The following CAST variants were observed in gnomAD, a reference collection of about 807,000 sequenced individuals.
The protein encoded by CAST is calpastatin.
Under a neutral mutation model 119.6 loss-of-function variants are expected in CAST, and 76 were observed. That is an observed-to-expected ratio of 0.64 (90% CI 0.53 to 0.77). The LOEUF is 0.77. Ranked by LOEUF, CAST falls within the 30% of genes least tolerant of loss-of-function variation. CAST has a pLI of 0.00. For missense variants in CAST, 953 were observed against 946.5 expected, an observed-to-expected ratio of 1.01 and a Z score of -0.09; for synonymous variants, 319 against 331.6, an observed-to-expected ratio of 0.96 and a Z score of 0.41.
chr5:96,068,593 ATGTGTGTGTGTG>A, the CAST span, among the ~76,000 whole-genome samples: 49 of 142,268 alleles, frequency 3.4e-4, no homozygotes, highest in Middle Eastern at 3.6e-3. Context: ...CAATAGGATT[ATGTGTGTGTGTG>A]TGTGTGTGTG....
intron 3 of CAST, among the ~76,000 whole-genome samples, chr5:96,705,225 G>A (rs553956327): frequency 1.3e-5 from 2 of 152,188 alleles, no homozygotes; most frequent in East Asian, 3.9e-4. Context: ...AGGCTAAGGT[G>A]GAAGGATCAG....
At chr5:96,622,550 A>G (rs1250385683) in intron 1 of CAST, among the ~76,000 whole-genome samples, 2 of 152,104 alleles carry the variant, frequency 1.3e-5, no homozygotes, top group Non-Finnish European at 2.9e-5. Context: ...CAGGATCACT[A>G]TAGCTGAAGA....
chr5:96,746,478 T>G, intron 17 of CAST, 53 bp downstream of exon 17: 2 of 1,010,628 alleles, frequency 2.0e-6, no homozygotes, highest in African/African-American at 1.6e-5. Flanking sequence ...TGCATCTTGT[T>G]TTGTTGTATC....
the CAST span, among the ~76,000 whole-genome samples, chr5:96,154,397 T>A: frequency 6.6e-6 from 1 of 152,194 alleles, no homozygotes; most frequent in African/African-American, 2.4e-5. Context: ...ATTTTAGAAC[T>A]GTTTTACATT....
At chr5:96,364,591 A>G in the CAST span, among the ~76,000 whole-genome samples, 6 of 151,828 alleles carry the variant, frequency 4.0e-5, no homozygotes, top group African/African-American at 1.2e-4. Flanking sequence ...TTTCTTCTAG[A>G]TTTTCTAGTT....
At chr5:96,598,454 C>G (rs1193239864) in intron 1 of CAST, among the ~76,000 whole-genome samples, 1 of 152,092 alleles carries the variant, frequency 6.6e-6, no homozygotes, top group Non-Finnish European at 1.5e-5. Flanking sequence ...TGCCCTGTCT[C>G]TAGGGCTGCA....
the CAST span, among the ~76,000 whole-genome samples, chr5:96,323,691 G>A: frequency 6.6e-6 from 1 of 152,156 alleles, no homozygotes; most frequent in Non-Finnish European, 1.5e-5. Context: ...TTCATTTTTA[G>A]TTTTTAAGGG....
the CAST span, among the ~76,000 whole-genome samples, chr5:96,035,870 A>G: frequency 6.6e-6 from 1 of 151,888 alleles, no homozygotes; most frequent in African/African-American, 2.4e-5. Flanking sequence ...CACTGTGTTT[A>G]GGACCTCTTA....
chr5:96,153,115 T>A, the CAST span, among the ~76,000 whole-genome samples: 1 of 152,236 alleles, frequency 6.6e-6, no homozygotes, highest in South Asian at 2.1e-4. Context: ...AAAATCAGCC[T>A]TCAAATTGAT....
At chr5:96,059,665 T>G in the CAST span, among the ~76,000 whole-genome samples, 4 of 152,130 alleles carry the variant, frequency 2.6e-5, no homozygotes, top group African/African-American at 7.2e-5. Flanking sequence ...TGGCTCATAA[T>G]GTGTCCAATG....
chr5:96,249,569 C>T, the CAST span, among the ~76,000 whole-genome samples: 2 of 152,160 alleles, frequency 1.3e-5, no homozygotes, highest in East Asian at 3.8e-4. Context: ...ACAAGCCCAT[C>T]ATTTCTATAT....
the CAST span, among the ~76,000 whole-genome samples, chr5:96,010,938 TG>T: frequency 2.0e-5 from 3 of 152,236 alleles, no homozygotes; most frequent in African/African-American, 7.2e-5. Context: ...TACTGATTTT[TG>T]TACATTGATT....
chr5:96,361,950 C>T, the CAST span, among the ~76,000 whole-genome samples: 2 of 151,442 alleles, frequency 1.3e-5, no homozygotes, highest in East Asian at 2.0e-4. Flanking sequence ...TTGTCATTTA[C>T]ATTAGGTATA....
chr5:96,345,177 C>T, the CAST span, among the ~76,000 whole-genome samples: 1 of 152,132 alleles, frequency 6.6e-6, no homozygotes, highest in Non-Finnish European at 1.5e-5. Context: ...CTCACTGGCC[C>T]CAATGGTTTC....
At chr5:96,683,284 G>T (rs1005453963) in intron 2 of CAST, among the ~76,000 whole-genome samples, 1 of 152,144 alleles carries the variant, frequency 6.6e-6, no homozygotes, top group East Asian at 1.9e-4. Context: ...CATTGGCTTC[G>T]ATTAGGATGG....
chr5:96,622,492 G>T (rs1046658387), intron 1 of CAST, among the ~76,000 whole-genome samples: 1 of 152,196 alleles, frequency 6.6e-6, no homozygotes, highest in South Asian at 2.1e-4. Flanking sequence ...GCTGTCACTG[G>T]TGAAAGCTTC....
the CAST span, among the ~76,000 whole-genome samples, chr5:96,060,435 G>C: frequency 6.6e-6 from 1 of 152,084 alleles, no homozygotes; most frequent in Non-Finnish European, 1.5e-5. Context: ...AGAGTTTCCT[G>C]GGGTCTATTG....
chr5:96,434,306 T>C, the CAST span, among the ~76,000 whole-genome samples: 38 of 152,170 alleles, frequency 2.5e-4, no homozygotes, highest in Non-Finnish European at 4.4e-5. Context: ...TACCAGTGCC[T>C]AGTATTCAGC....
At chr5:96,676,692 A>G in intron 2 of CAST, among the ~76,000 whole-genome samples, 1 of 152,040 alleles carries the variant, frequency 6.6e-6, no homozygotes. Flanking sequence ...TTTCCTGATT[A>G]AATTAATAAA....
Sources: gnomAD v4.1 joint callset for allele counts (sites outside exome capture counted in the v4.1 genomes callset) on GRCh38, gnomAD v4.1.1 for gene constraint, MANE v1.5 for transcripts, NCBI Gene and HGNC (gene_info 2026-07-23, HGNC 2026-07-21) for gene names.